NKAIN2: variants seen among roughly 807,000 people sequenced by gnomAD.
NKAIN2 encodes the protein sodium/potassium transporting ATPase interacting 2.
NKAIN2 carries 14 observed loss-of-function variants against 32.6 expected under a neutral mutation model. That is an observed-to-expected ratio of 0.43 (90% CI 0.28 to 0.67). The LOEUF is 0.67. NKAIN2 is among the 30% of genes least tolerant of loss of function. The pLI is 0.17. For missense variants in NKAIN2, 198 were observed against 258.3 expected (o/e 0.77, Z 1.60); for synonymous variants, 80 against 87.2 (o/e 0.92, Z 0.46).
intron 4 of NKAIN2, among the ~76,000 whole-genome samples, chr6:124,776,804 G>A (rs1471382835): frequency 6.6e-6 from 1 of 151,810 alleles, no homozygotes; most frequent in Admixed American, 6.6e-5. Flanking sequence ...CAAATTATAG[G>A]CACTCTAGAT....
intron 3 of NKAIN2, among the ~76,000 whole-genome samples, chr6:124,625,414 A>G (rs1178826414): frequency 6.6e-6 from 1 of 152,140 alleles, no homozygotes; most frequent in African/African-American, 2.4e-5. Flanking sequence ...CTGTGACTCT[A>G]CTGACCAGGG....
intron 1 of NKAIN2, among the ~76,000 whole-genome samples, chr6:124,018,066 T>C (rs1780673578): frequency 6.6e-6 from 1 of 152,208 alleles, no homozygotes; most frequent in African/African-American, 2.4e-5. Flanking sequence ...GAAATCTAGG[T>C]GGAGGTTCCC....
chr6:124,371,524 T>A (rs997553227), intron 3 of NKAIN2, among the ~76,000 whole-genome samples: 1 of 151,784 alleles, frequency 6.6e-6, no homozygotes, highest in Admixed American at 6.6e-5. Context: ...AAACCCCGTC[T>A]CTACTAAAAA....
intron 3 of NKAIN2, among the ~76,000 whole-genome samples, chr6:124,393,512 T>C (rs1048656577): frequency 9.2e-5 from 14 of 152,184 alleles, no homozygotes; most frequent in Admixed American, 5.9e-4. Flanking sequence ...CTAAAGTTAA[T>C]AGATTCATTT....
chr6:123,815,268 A>G (rs1303185331), intron 1 of NKAIN2, among the ~76,000 whole-genome samples: 1 of 152,132 alleles, frequency 6.6e-6, no homozygotes, highest in Non-Finnish European at 1.5e-5. Flanking sequence ...TCTTTCATTC[A>G]TTGTGTACTA....
chr6:124,330,803 C>T (rs1434857089), intron 2 of NKAIN2, among the ~76,000 whole-genome samples: 3 of 152,112 alleles, frequency 2.0e-5, no homozygotes, highest in Non-Finnish European at 4.4e-5. Context: ...ACATTACTGC[C>T]TGAGTTCCTG....
chr6:124,493,134 G>T (rs967182699), intron 3 of NKAIN2, among the ~76,000 whole-genome samples: 1 of 151,938 alleles, frequency 6.6e-6, no homozygotes, highest in East Asian at 1.9e-4. Context: ...TTAAATATTA[G>T]ATATTATTTT....
At chr6:124,367,967 A>G (rs182954107) in intron 3 of NKAIN2, among the ~76,000 whole-genome samples, 20 of 152,184 alleles carry the variant, frequency 1.3e-4, no homozygotes, top group Admixed American at 4.6e-4. Flanking sequence ...AAAGCCATGG[A>G]ACTCTTAATG....
At chr6:123,847,984 G>A (rs1311628327) in intron 1 of NKAIN2, among the ~76,000 whole-genome samples, 4 of 152,066 alleles carry the variant, frequency 2.6e-5, no homozygotes, top group Admixed American at 6.6e-5. Flanking sequence ...AAGCAGCAGC[G>A]TTCTAGCTCC....
At chr6:124,402,494 A>C (rs1171178853) in intron 3 of NKAIN2, among the ~76,000 whole-genome samples, 1 of 152,174 alleles carries the variant, frequency 6.6e-6, no homozygotes, top group Non-Finnish European at 1.5e-5. Flanking sequence ...CATGCCAAAC[A>C]CTTTCTTTTA....
chr6:124,751,560 A>G (rs553953427), intron 4 of NKAIN2, among the ~76,000 whole-genome samples: 31 of 151,960 alleles, frequency 2.0e-4, no homozygotes, highest in African/African-American at 6.3e-4. Flanking sequence ...TATTTAAAGG[A>G]ATCAGTTTAT....
intron 1 of NKAIN2, among the ~76,000 whole-genome samples, chr6:124,213,552 A>G (rs2114668850): frequency 6.6e-6 from 1 of 152,232 alleles, no homozygotes; most frequent in Non-Finnish European, 1.5e-5. Context: ...GAGTTTAGAT[A>G]AGTTATAACA....
chr6:123,819,163 G>C (rs1198024539), intron 1 of NKAIN2, among the ~76,000 whole-genome samples: 1 of 152,162 alleles, frequency 6.6e-6, no homozygotes, highest in African/African-American at 2.4e-5. Flanking sequence ...GATGTGGTAG[G>C]TTTTCAACAG....
intron 3 of NKAIN2, among the ~76,000 whole-genome samples, chr6:124,503,083 A>G (rs1778355359): frequency 6.6e-6 from 1 of 152,192 alleles, no homozygotes; most frequent in African/African-American, 2.4e-5. Context: ...ATCCAAGAAA[A>G]TAGTACATCT....
intron 1 of NKAIN2, among the ~76,000 whole-genome samples, chr6:124,138,734 T>A (rs1383954759): frequency 6.8e-6 from 1 of 147,472 alleles, no homozygotes; most frequent in African/African-American, 2.5e-5. Flanking sequence ...TATATATGTA[T>A]ATGATGGAAC....
chr6:124,445,695 G>A (rs933247417), intron 3 of NKAIN2, among the ~76,000 whole-genome samples: 77 of 151,278 alleles, frequency 5.1e-4, no homozygotes, highest in African/African-American at 1.8e-3. Flanking sequence ...AGCGTTGACT[G>A]AAAACCATGT....
At chr6:124,711,331 C>T (rs377474107) in intron 4 of NKAIN2, among the ~76,000 whole-genome samples, 23 of 16,986 alleles carry the variant, frequency 1.4e-3, no homozygotes, top group Non-Finnish European at 2.4e-3. Context: ...ATCTTTGTGG[C>T]GTTCTCTGTA....
At chr6:124,172,577 A>G (rs777005573) in intron 1 of NKAIN2, among the ~76,000 whole-genome samples, 2 of 152,144 alleles carry the variant, frequency 1.3e-5, no homozygotes, top group African/African-American at 2.4e-5. Context: ...ATTCTTGTGG[A>G]AGGAAGTATA....
At chr6:124,733,436 C>A (rs1776783428) in intron 4 of NKAIN2, among the ~76,000 whole-genome samples, 1 of 151,754 alleles carries the variant, frequency 6.6e-6, no homozygotes, top group Non-Finnish European at 1.5e-5. Flanking sequence ...AGAAAACGTT[C>A]TGACATAAGC....
Sources: allele counts gnomAD v4.1 joint callset (sites outside exome capture counted in the v4.1 genomes callset), GRCh38; gene constraint gnomAD v4.1.1; transcripts MANE v1.5; gene names NCBI Gene and HGNC (gene_info 2026-07-23, HGNC 2026-07-21).